KIAA0825: variants seen among roughly 807,000 people sequenced by gnomAD.
KIAA0825 encodes KIAA0825.
In KIAA0825, 119 loss-of-function variants were observed where a neutral mutation model predicts 147.6. The ratio of observed to expected loss-of-function variants is 0.81; its 90% CI spans 0.69 to 0.94. KIAA0825 has a LOEUF of 0.94. Among genes scored for constraint, KIAA0825 ranks in the 40% least tolerant of loss-of-function variants. The pLI is 0.00. For missense variants in KIAA0825, 1,381 were observed against 1,472.7 expected (o/e 0.94, Z 1.02); for synonymous variants, 470 against 518.1 (o/e 0.91, Z 1.26).
chr5:94,494,853 G>A lies in KIAA0825; in HGVS notation c.971-9923C>T, dbSNP rs117778168. Among the ~76,000 whole-genome samples the A allele has an allele frequency of 2.2e-4, 33 of 152,136 alleles. No homozygotes were observed. The East Asian group carries it at 4.8e-3, about 22-fold the overall frequency. On this transcript the variant is annotated intron_variant, in intron 5 of 20. Coordinates refer to ENST00000682413, the MANE Select transcript of KIAA0825 (RefSeq NM_001145678.3). ...ATTTCATTTTTTAAAGGAATATGCCGTGACAGAGAAGTTACATTATCAGCT... is the reference window on the plus strand; with the variant it reads ...ATTTCATTTTTTAAAGGAATATGCCATGACAGAGAAGTTACATTATCAGCT...
intron 20 of KIAA0825, among the ~76,000 whole-genome samples, chr5:94,216,679 A>G (rs1397674138): frequency 6.6e-6 from 1 of 152,158 alleles, no homozygotes; most frequent in East Asian, 1.9e-4. Context: ...CACTTCCCCC[A>G]CATAGAAAAG....
chr5:94,291,639 T>C (rs1204986229), intron 20 of KIAA0825, among the ~76,000 whole-genome samples: 2 of 152,202 alleles, frequency 1.3e-5, no homozygotes, highest in Non-Finnish European at 2.9e-5. Context: ...TTTTTTCAAA[T>C]TCTGTGAAGA....
chr5:94,351,483 A>G (rs1250770775), intron 20 of KIAA0825, among the ~76,000 whole-genome samples: 1 of 152,230 alleles, frequency 6.6e-6, no homozygotes, highest in Non-Finnish European at 1.5e-5. Context: ...ATAGATGGGT[A>G]GAATCAATTT....
chr5:94,464,452 A>G (rs139146461), intron 11 of KIAA0825, among the ~76,000 whole-genome samples: 98 of 152,340 alleles, frequency 6.4e-4, no homozygotes, highest in African/African-American at 2.3e-3. Flanking sequence ...CTATATTTAA[A>G]GCCTTAACAA....
chr5:94,457,347 A>G (rs930516507), intron 12 of KIAA0825, among the ~76,000 whole-genome samples: 1 of 152,240 alleles, frequency 6.6e-6, no homozygotes, highest in Non-Finnish European at 1.5e-5. Context: ...TCCACAAGAC[A>G]TAAAAGAATT....
At chr5:94,232,823 A>C (rs1341410464) in intron 20 of KIAA0825, among the ~76,000 whole-genome samples, 2 of 152,140 alleles carry the variant, frequency 1.3e-5, no homozygotes, top group Non-Finnish European at 2.9e-5. Context: ...AAATTCATAC[A>C]GATATATTTC....
rs1358429846 is a variant in KIAA0825 at position 94,151,156 on chromosome 5, G to A, written c.*2851C>T. ...AACATGGCCGGGCGCGGTGGCTCAC[G>A]CCTGTAATCCCAGCACTTTGGGAGG... On this transcript the variant is annotated 3_prime_UTR_variant, in exon 21 of 21. Transcript: ENST00000682413. Among the ~76,000 whole-genome samples the A allele has an allele frequency of 6.6e-6, 1 of 151,920 alleles. No individual in the cohort carries two copies. The highest frequency in any genetic ancestry group is 1.9e-4 in the East Asian group (1 of 5,178).
intron 20 of KIAA0825, among the ~76,000 whole-genome samples, chr5:94,286,157 C>T (rs1165557679): frequency 6.6e-6 from 1 of 152,112 alleles, no homozygotes. Flanking sequence ...AAAGTCAAAC[C>T]AAGCAAAAAT....
rs550521388 is a variant in KIAA0825, at chr5:94,401,259, A to G, written c.2887+2310T>C. On this transcript the variant is annotated intron_variant, in intron 16 of 20. Transcript: ENST00000682413. The stretch of plus-strand genomic sequence containing the variant: ...CCCACAATTCTTTTTTTTTTTTGCC[A>G]AAGGTGATAAAATCATCATTGTTTT... 3.8e-3 allele frequency among the ~76,000 whole-genome samples: 576 copies of G among 150,822 alleles called. 5 individuals are homozygous for G. The highest frequency in any genetic ancestry group is 0.021 in the Middle Eastern group (6 of 292).
chr5:94,490,581 T>G (rs1763614119), intron 5 of KIAA0825, among the ~76,000 whole-genome samples: 2 of 152,050 alleles, frequency 1.3e-5, no homozygotes, highest in African/African-American at 4.8e-5. Context: ...TAAAATATAC[T>G]TTAGGAAAAA....
At chr5:94,597,728 A>G (rs1785563394) in intron 1 of KIAA0825, among the ~76,000 whole-genome samples, 1 of 152,156 alleles carries the variant, frequency 6.6e-6, no homozygotes, top group Admixed American at 6.5e-5. Context: ...CTACACAAAC[A>G]TCAATGGTAT....
At chr5:94,617,905 C>T (rs1469282715) in intron 1 of KIAA0825, 1 of 152,228 alleles carries the variant, frequency 6.6e-6, no homozygotes, top group Non-Finnish European at 1.5e-5. Flanking sequence ...TCACTGCTTT[C>T]CAAAAATGCA....
At chr5:94,236,211 A>G (rs113508290) in intron 20 of KIAA0825, among the ~76,000 whole-genome samples, 316 of 152,380 alleles carry the variant, frequency 2.1e-3, no homozygotes, top group African/African-American at 7.4e-3. Context: ...GTAGATGCCA[A>G]TAAGAACATT....
intron 1 of KIAA0825, among the ~76,000 whole-genome samples, chr5:94,592,471 C>A (rs920540793): frequency 6.6e-6 from 1 of 152,054 alleles, no homozygotes; most frequent in Non-Finnish European, 1.5e-5. Flanking sequence ...TGATGTCTCT[C>A]GAGGAAAGGC....
intron 12 of KIAA0825, among the ~76,000 whole-genome samples, chr5:94,454,373 C>T (rs1437163045): frequency 6.6e-6 from 1 of 152,208 alleles, no homozygotes; most frequent in African/African-American, 2.4e-5. Flanking sequence ...CTTGTATCCT[C>T]ATGCTTTTTC....
chr5:94,239,953 G>A (rs1459597579), intron 20 of KIAA0825, among the ~76,000 whole-genome samples: 1 of 152,148 alleles, frequency 6.6e-6, no homozygotes, highest in Non-Finnish European at 1.5e-5. Flanking sequence ...ATGATATAAA[G>A]GATAATTTAC....
chr5:94,161,382 C>T (rs1451365304), intron 20 of KIAA0825, among the ~76,000 whole-genome samples: 1 of 152,138 alleles, frequency 6.6e-6, no homozygotes, highest in African/African-American at 2.4e-5. Flanking sequence ...GCTGTTCCAC[C>T]CACATGAAAT....
At chr5:94,266,388 A>AC (rs149070738) in intron 20 of KIAA0825, among the ~76,000 whole-genome samples, 21,965 of 152,156 alleles carry the variant, frequency 0.14, 1,739 homozygotes, top group East Asian at 0.23. Flanking sequence ...TCATGATGTC[A>AC]TAAATCTTCT....
chr5:94,458,987 T>TC (rs1416983799), intron 12 of KIAA0825, among the ~76,000 whole-genome samples: 1 of 152,036 alleles, frequency 6.6e-6, no homozygotes, highest in East Asian at 1.9e-4. Context: ...CATTCCCTCC[T>TC]CCCCTCAGCT....
Sources: allele counts gnomAD v4.1 joint callset (sites outside exome capture counted in the v4.1 genomes callset), GRCh38; gene constraint gnomAD v4.1.1; transcripts MANE v1.5; gene names NCBI Gene and HGNC (gene_info 2026-07-23, HGNC 2026-07-21).